Variants in PTPA observed in about 807,000 individuals in gnomAD.
PTPA encodes the protein serine/threonine-protein phosphatase 2A activator.
A neutral mutation model predicts 43.6 loss-of-function variants in PTPA; 13 were observed. That is an observed-to-expected ratio of 0.30 (90% CI 0.19 to 0.47). The LOEUF is 0.47. Ranked by LOEUF, PTPA falls within the 20% of genes least tolerant of loss-of-function variation. The probability of loss-of-function intolerance (pLI) is 0.99; values close to 1 mark genes in which losing one functional copy is unlikely to be tolerated. For missense variants in PTPA, 329 were observed against 411.9 expected, an observed-to-expected ratio of 0.80 and a Z score of 1.74; for synonymous variants, 172 against 158.2, an observed-to-expected ratio of 1.09 and a Z score of -0.66.
At chr9:129,143,723 CTCTAA>C in intron 9 of PTPA, 1 of 337,400 alleles carries the variant, frequency 3.0e-6, no homozygotes, top group Non-Finnish European at 5.6e-6. Flanking sequence ...CCACATACCT[CTCTAA>C]TCTGAGAGGC....
intron 8 of PTPA, among the ~76,000 whole-genome samples, chr9:129,140,497 G>C (rs904279830): frequency 7.9e-5 from 12 of 152,206 alleles, no homozygotes; most frequent in Non-Finnish European, 1.6e-4. Flanking sequence ...CATGGGCCTA[G>C]CCCTGGCTCT....
chr9:129,142,294 G>GCTTGGTCCCC (rs1462493653), intron 8 of PTPA, 151 bp from the exon 9 acceptor site: 4 of 641,292 alleles, frequency 6.2e-6, no homozygotes, highest in Admixed American at 3.4e-5. Flanking sequence ...AGATGCTATA[G>GCTTGGTCCCC]CTTGGTCCCC....
At chr9:129,143,549 G>C in intron 9 of PTPA, 1 of 667,690 alleles carries the variant, frequency 1.5e-6, no homozygotes, top group South Asian at 1.6e-5. Context: ...AGAGGCCAGC[G>C]GGGTGGGGGA....
intron 2 of PTPA, among the ~76,000 whole-genome samples, chr9:129,120,921 G>C (rs1034011511): frequency 6.6e-6 from 1 of 152,188 alleles, no homozygotes; most frequent in Admixed American, 6.5e-5. Flanking sequence ...TGAAATGATG[G>C]AGCGAGTCAC....
chr9:129,115,541 A>G (rs11564083), intron 1 of PTPA, among the ~76,000 whole-genome samples: 5,736 of 152,126 alleles, frequency 0.038, 352 homozygotes, highest in African/African-American at 0.13. Context: ...CATGTAGCTG[A>G]TGTCAGCCAG....
chr9:129,123,981 C>T (rs955370560), intron 3 of PTPA, among the ~76,000 whole-genome samples: 5 of 123,986 alleles, frequency 4.0e-5, no homozygotes, highest in Non-Finnish European at 6.9e-5. Context: ...CTGCGCCTGG[C>T]CTGGTGTTTT....
At chr9:129,117,559 A>G (rs779863328) in intron 1 of PTPA, among the ~76,000 whole-genome samples, 1 of 151,306 alleles carries the variant, frequency 6.6e-6, no homozygotes, top group Non-Finnish European at 1.5e-5. Flanking sequence ...GTGCGCCACC[A>G]TGCCTGGCTA....
rs3739845 is a variant in PTPA, at chr9:129,147,458, G to A, written c.966G>A (p.Ser322=). 5.0e-6 allele frequency: 8 copies of A among 1,613,548 alleles called. No homozygotes were observed. Among genetic ancestry groups the A allele is most frequent in the Non-Finnish European group, 6.8e-6 (8 of 1,179,926 alleles). ...TGCTGCCCATCCATCCTGTCACGTC[G>A]GGCTAGGAGGGGCCAAGCCGAAGAG... ...GSLLPIHPVT[S]G The change falls in exon 10 of 10, where the codon TCG becomes TCA. Residue 322 remains serine, a synonymous_variant. Transcript: ENST00000393370.
At position 129,147,519 on chromosome 9, in the gene PTPA, A is replaced by C; in HGVS notation, c.*55A>C. The C allele has an allele frequency of 6.5e-7, 1 of 1,545,544 alleles. No homozygotes were observed. Among genetic ancestry groups the C allele is most frequent in the South Asian group, 1.1e-5 (1 of 89,216 alleles). On this transcript the variant is annotated 3_prime_UTR_variant, in exon 10 of 10. Transcript: ENST00000393370. ...CACAGTTCCTGTGCCTGCCTTCCCCACCCCAGCAGTGGCCCCTCCCCATCC... is the reference window on the plus strand; with the variant it reads ...CACAGTTCCTGTGCCTGCCTTCCCCCCCCCAGCAGTGGCCCCTCCCCATCC...
intron 2 of PTPA, among the ~76,000 whole-genome samples, chr9:129,120,919 T>C (rs1379429854): frequency 6.6e-6 from 1 of 152,194 alleles, no homozygotes. Flanking sequence ...TTTGAAATGA[T>C]GGAGCGAGTC....
chr9:129,127,523 A>G (rs1243691626), intron 3 of PTPA, among the ~76,000 whole-genome samples: 1 of 152,220 alleles, frequency 6.6e-6, no homozygotes, highest in Admixed American at 6.5e-5. Context: ...GGCTGCAGAT[A>G]GCCTCCGCGT....
intron 1 of PTPA, 31 bp from the exon 2 acceptor site, chr9:129,120,482 T>C (rs9409311): frequency 1 from 1,506,129 of 1,507,064 alleles, 752,604 homozygotes; most frequent in Middle Eastern, 1. Context: ...ATTCTATTTA[T>C]CTGTTTGTTT....
Position 129,142,843 on chromosome 9 carries a change from G to C in PTPA, c.894+291G>C, listed in dbSNP as rs528964734. 4.6e-6 allele frequency: 7 copies of C among 1,532,106 alleles called. No individual in the cohort carries two copies. The South Asian group carries it at 7.2e-5, about 16-fold the overall frequency. 94.9% of individuals were successfully genotyped at this position (1,532,106 alleles called of 1,614,324 possible). ...GCTGCATGGGGAGTGGGGGCGATGG[G>C]GGCCTCCCTTCTCCTTTATCAAGTG... On this transcript the variant is annotated intron_variant, in intron 9 of 9. Coordinates refer to ENST00000393370, the MANE Select transcript of PTPA (RefSeq NM_178000.3).
chr9:129,147,239 G>T, intron 9 of PTPA, 148 bp from the exon 10 acceptor site: 1 of 675,420 alleles, frequency 1.5e-6, no homozygotes. Context: ...AAGGAGTGAG[G>T]AACTGGGGGA....
At chr9:129,126,770 C>T (rs1018931980) in intron 3 of PTPA, among the ~76,000 whole-genome samples, 2 of 152,132 alleles carry the variant, frequency 1.3e-5, no homozygotes, top group African/African-American at 4.8e-5. Context: ...TTCAGCCCTT[C>T]TCTCCCAACA....
At chr9:129,135,335 G>C (rs1356132358) in intron 6 of PTPA, among the ~76,000 whole-genome samples, 1 of 152,156 alleles carries the variant, frequency 6.6e-6, no homozygotes, top group African/African-American at 2.4e-5. Flanking sequence ...GGAGGTTGCA[G>C]TGAGCTGAGA....
rs79103092 is a variant in PTPA at position 129,123,198 on chromosome 9, G to C, written c.216+60G>C. On this transcript the variant is annotated intron_variant, in intron 3 of 9. Transcript: ENST00000393370. ...CCAAAAATAGCTCCAGAGTCACTGG[G>C]TGCGGTGGCTCACCTCTGTAATCTC... 10,822 of 1,426,568 alleles carry C rather than the reference G, an allele frequency of 7.6e-3. 685 individuals are homozygous for C. The African/African-American group carries it at 0.13, about 18-fold the overall frequency. 88.4% of individuals were successfully genotyped at this position (1,426,568 alleles called of 1,614,324 possible).
At chr9:129,128,006 CAG>C (rs1849692038) in intron 3 of PTPA, 1 of 1,347,090 alleles carries the variant, frequency 7.4e-7, no homozygotes, top group Non-Finnish European at 9.9e-7. Flanking sequence ...GGCTGCAAAG[CAG>C]AGTGTGTCCT....
intron 1 of PTPA, among the ~76,000 whole-genome samples, chr9:129,112,240 ACT>A (rs1036920306): frequency 3.4e-4 from 51 of 152,162 alleles, no homozygotes; most frequent in African/African-American, 1.2e-3. Flanking sequence ...TCCTTCGGTA[ACT>A]CTTATTTACC....
Sources: gnomAD v4.1 joint callset for allele counts (sites outside exome capture counted in the v4.1 genomes callset) on GRCh38, gnomAD v4.1.1 for gene constraint, MANE v1.5 for transcripts, NCBI Gene and HGNC (gene_info 2026-07-23, HGNC 2026-07-21) for gene names.